ATP10B: variants seen among roughly 807,000 people sequenced by gnomAD.
ATP10B encodes the protein ATPase phospholipid transporting 10B (putative), also known as phospholipid-transporting ATPase VB.
ATP10B carries 122 observed loss-of-function variants against 141.2 expected under a neutral mutation model. The observed-to-expected ratio is 0.86, with a 90% CI of 0.75 to 1.00. The LOEUF (loss-of-function observed/expected upper bound fraction) is 1.00. Among genes scored for constraint, ATP10B ranks in the 50% least tolerant of loss-of-function variants. The probability of loss-of-function intolerance (pLI) is 0.00; values close to 1 mark genes in which losing one functional copy is unlikely to be tolerated. For missense variants in ATP10B, 1,876 were observed against 1,825.3 expected (o/e 1.03, Z -0.51); for synonymous variants, 685 against 692.0 (o/e 0.99, Z 0.16).
chr5:160,707,004 G>A (rs929877998), intron 3 of ATP10B, among the ~76,000 whole-genome samples: 2 of 152,044 alleles, frequency 1.3e-5, no homozygotes, highest in African/African-American at 4.8e-5. Flanking sequence ...AGGCTGGAGT[G>A]CAGTGGCTCT....
the ATP10B span, among the ~76,000 whole-genome samples, chr5:160,892,219 G>A: frequency 6.6e-6 from 1 of 152,124 alleles, no homozygotes; most frequent in African/African-American, 2.4e-5. Context: ...AGGCCTCCTG[G>A]GATTCACGTG....
intron 17 of ATP10B, among the ~76,000 whole-genome samples, chr5:160,614,943 C>G (rs1464358716): frequency 2.6e-5 from 4 of 152,200 alleles, no homozygotes; most frequent in East Asian, 1.9e-4. Context: ...ATTTTGCTCC[C>G]AAGGTGTGAG....
chr5:160,791,281 G>A (rs1771547595), intron 1 of ATP10B, among the ~76,000 whole-genome samples: 1 of 152,156 alleles, frequency 6.6e-6, no homozygotes, highest in African/African-American at 2.4e-5. Context: ...TAGCTTCTAA[G>A]TTTTTGGTAA....
intron 22 of ATP10B, among the ~76,000 whole-genome samples, chr5:160,593,063 T>G (rs900173706): frequency 3.9e-5 from 6 of 152,240 alleles, no homozygotes; most frequent in Non-Finnish European, 8.8e-5. Flanking sequence ...AAGAGAGCAG[T>G]GGTTCTCCCA....
At chr5:160,756,033 T>C (rs1431566242) in intron 2 of ATP10B, among the ~76,000 whole-genome samples, 2 of 151,274 alleles carry the variant, frequency 1.3e-5, no homozygotes, top group African/African-American at 4.8e-5. Context: ...AATGAACATA[T>C]CCATCAACCC....
intron 1 of ATP10B, among the ~76,000 whole-genome samples, chr5:160,803,125 T>C (rs1162780858): frequency 1.3e-5 from 2 of 152,212 alleles, no homozygotes; most frequent in African/African-American, 4.8e-5. Flanking sequence ...CCAGCTGACC[T>C]GGGCTTGACT....
intron 7 of ATP10B, among the ~76,000 whole-genome samples, chr5:160,665,584 A>C (rs2127719134): frequency 6.6e-6 from 1 of 152,328 alleles, no homozygotes; most frequent in East Asian, 1.9e-4. Context: ...ACAGGACAAA[A>C]GCTTCTTAAT....
intron 3 of ATP10B, among the ~76,000 whole-genome samples, chr5:160,706,943 A>ATATTTATTTATTTATTTATT (rs551509241): frequency 4.0e-5 from 6 of 151,640 alleles, no homozygotes; most frequent in African/African-American, 1.5e-4. Flanking sequence ...GTTTGTTTTA[A>ATATTTATTTATTTATTTATT]TATTTATTTA....
intron 24 of ATP10B, among the ~76,000 whole-genome samples, chr5:160,585,477 G>A (rs937690819): frequency 7.9e-5 from 12 of 152,090 alleles, no homozygotes; most frequent in African/African-American, 2.4e-4. Flanking sequence ...GGTGGCACGC[G>A]CCATAGTCCC....
chr5:160,870,221 A>G, the ATP10B span, among the ~76,000 whole-genome samples: 1 of 152,182 alleles, frequency 6.6e-6, no homozygotes, highest in African/African-American at 2.4e-5. Flanking sequence ...GTCAAAAGGC[A>G]TAGGCTCGCT....
At chr5:160,828,873 A>G (rs1271350822) in intron 1 of ATP10B, among the ~76,000 whole-genome samples, 2 of 150,168 alleles carry the variant, frequency 1.3e-5, no homozygotes, top group South Asian at 2.1e-4. Context: ...AATACTATGC[A>G]GCCATAAAAA....
intron 13 of ATP10B, among the ~76,000 whole-genome samples, chr5:160,630,869 A>G (rs1758882544): frequency 1.3e-5 from 2 of 152,224 alleles, no homozygotes. Context: ...CCAAAGTTAG[A>G]TGAGTAATGA....
intron 3 of ATP10B, among the ~76,000 whole-genome samples, chr5:160,690,732 A>G (rs1454018178): frequency 6.6e-6 from 1 of 152,216 alleles, no homozygotes; most frequent in African/African-American, 2.4e-5. Flanking sequence ...ATATGGAGTA[A>G]TAAGAATGCT....
intron 2 of ATP10B, among the ~76,000 whole-genome samples, chr5:160,722,531 C>T (rs1766062782): frequency 6.6e-6 from 1 of 152,048 alleles, no homozygotes; most frequent in Non-Finnish European, 1.5e-5. Flanking sequence ...AGCCTTTCTG[C>T]TGGCAGCAAG....
chr5:160,828,561 G>T (rs577811781), intron 1 of ATP10B, among the ~76,000 whole-genome samples: 8 of 151,564 alleles, frequency 5.3e-5, no homozygotes, highest in Non-Finnish European at 1.2e-4. Context: ...GAAACAACAG[G>T]TGCTGGAGAG....
At chr5:160,661,776 T>C (rs960083554) in intron 7 of ATP10B, among the ~76,000 whole-genome samples, 1 of 152,082 alleles carries the variant, frequency 6.6e-6, no homozygotes, top group African/African-American at 2.4e-5. Context: ...TTATTCAACA[T>C]AGTTTTGGAA....
At chr5:160,618,256 C>T (rs1758138395) in intron 15 of ATP10B, among the ~76,000 whole-genome samples, 1 of 152,354 alleles carries the variant, frequency 6.6e-6, no homozygotes, top group African/African-American at 2.4e-5. Flanking sequence ...TGTTCCCAAA[C>T]AGCTGTTTGC....
chr5:160,920,567 A>G, the ATP10B span, among the ~76,000 whole-genome samples: 1 of 152,310 alleles, frequency 6.6e-6, no homozygotes, highest in South Asian at 2.1e-4. Context: ...ATAGTAACAA[A>G]ATGGGTCCTG....
chr5:160,879,444 A>C, the ATP10B span, among the ~76,000 whole-genome samples: 14 of 133,324 alleles, frequency 1.1e-4, no homozygotes, highest in African/African-American at 2.6e-4. Context: ...CTAGATGACG[A>C]GTTAGTGGGT....
Sources: allele counts gnomAD v4.1 joint callset (sites outside exome capture counted in the v4.1 genomes callset), GRCh38; gene constraint gnomAD v4.1.1; transcripts MANE v1.5; gene names NCBI Gene and HGNC (gene_info 2026-07-23, HGNC 2026-07-21).